Variants in ANKFN1 observed in about 807,000 individuals in gnomAD.
The protein encoded by ANKFN1 is ankyrin repeat and fibronectin type III domain containing 1.
A neutral mutation model predicts 108.7 loss-of-function variants in ANKFN1; 74 were observed. The observed-to-expected ratio is 0.68, with a 90% CI of 0.56 to 0.83. The LOEUF is 0.83. Among genes scored for constraint, ANKFN1 ranks in the 40% least tolerant of loss-of-function variants. The pLI, the probability that ANKFN1 is intolerant of heterozygous loss-of-function variation, is 0.00. For missense variants in ANKFN1, 1,505 were observed against 1,382.3 expected, an observed-to-expected ratio of 1.09 and a Z score of -1.41; for synonymous variants, 547 against 516.2, an observed-to-expected ratio of 1.06 and a Z score of -0.81.
intron 18 of ANKFN1, among the ~76,000 whole-genome samples, chr17:56,484,994 A>C (rs373610274): frequency 1.3e-5 from 2 of 152,224 alleles, no homozygotes; most frequent in African/African-American, 4.8e-5. Flanking sequence ...ACTCTTCTTG[A>C]GTAGCCACCC....
chr17:56,221,675 G>T (rs16956903), intron 2 of ANKFN1, among the ~76,000 whole-genome samples: 19,011 of 152,164 alleles, frequency 0.12, 1,621 homozygotes, highest in African/African-American at 0.23. Flanking sequence ...CTCTCTCCCA[G>T]CATTCTGCAG....
chr17:56,149,107 G>A (rs2143429819), upstream of ANKFN1, among the ~76,000 whole-genome samples: 1 of 152,298 alleles, frequency 6.6e-6, no homozygotes, highest in African/African-American at 2.4e-5. Flanking sequence ...TAACTGGATA[G>A]GCTGTACATG....
At chr17:56,413,725 T>C (rs911913822) in intron 8 of ANKFN1, among the ~76,000 whole-genome samples, 1 of 152,196 alleles carries the variant, frequency 6.6e-6, no homozygotes, top group Non-Finnish European at 1.5e-5. Context: ...AGAATCACTT[T>C]TTTTTTTCTT....
At chr17:56,111,466 G>A (rs547180557) in intron 4 of ANKFN1, among the ~76,000 whole-genome samples, 6 of 149,910 alleles carry the variant, frequency 4.0e-5, no homozygotes, top group African/African-American at 1.5e-4. Context: ...AGCCATGCAT[G>A]CCATACCTAA....
At chr17:56,087,288 G>A (rs1905333562) in intron 4 of ANKFN1, among the ~76,000 whole-genome samples, 2 of 151,346 alleles carry the variant, frequency 1.3e-5, no homozygotes, top group African/African-American at 4.9e-5. Flanking sequence ...CCCCAGAAGG[G>A]CACTGTGGGC....
intron 4 of ANKFN1, among the ~76,000 whole-genome samples, chr17:56,141,296 G>T (rs1363812012): frequency 6.6e-6 from 1 of 152,174 alleles, no homozygotes; most frequent in Non-Finnish European, 1.5e-5. Flanking sequence ...CAGACGTGTG[G>T]TGATTTTCCA....
chr17:56,481,513 C>T, intron 17 of ANKFN1, among the ~76,000 whole-genome samples: 1 of 151,686 alleles, frequency 6.6e-6, no homozygotes, highest in South Asian at 2.1e-4. Flanking sequence ...CACACACACG[C>T]ACACACACAC....
chr17:56,386,420 A>T (rs941587231), intron 8 of ANKFN1, among the ~76,000 whole-genome samples: 1 of 152,070 alleles, frequency 6.6e-6, no homozygotes, highest in African/African-American at 2.4e-5. Context: ...ATGTATACAT[A>T]TGTAACTAAC....
intron 20 of ANKFN1, among the ~76,000 whole-genome samples, chr17:56,508,609 T>C (rs2051646309): frequency 6.6e-6 from 1 of 152,210 alleles, no homozygotes; most frequent in African/African-American, 2.4e-5. Flanking sequence ...GATGAAGACA[T>C]AAATTAATAC....
chr17:56,495,685 G>A (rs926256693), intron 19 of ANKFN1, among the ~76,000 whole-genome samples: 4 of 152,090 alleles, frequency 2.6e-5, no homozygotes, highest in Non-Finnish European at 5.9e-5. Context: ...CTGGAGCTTG[G>A]CATATTTTGA....
At chr17:56,114,314 G>A (rs1906142263) in intron 4 of ANKFN1, among the ~76,000 whole-genome samples, 1 of 152,164 alleles carries the variant, frequency 6.6e-6, no homozygotes, top group Non-Finnish European at 1.5e-5. Context: ...ATGGAACAAA[G>A]TGAAGACCAG....
intron 1 of ANKFN1, among the ~76,000 whole-genome samples, chr17:56,172,354 T>A (rs1318269019): frequency 6.6e-6 from 1 of 152,164 alleles, no homozygotes; most frequent in East Asian, 1.9e-4. Flanking sequence ...GCTTTCTTAT[T>A]CTGCATCCTT....
chr17:56,166,163 A>G (rs1274089224), intron 1 of ANKFN1, among the ~76,000 whole-genome samples: 1 of 152,176 alleles, frequency 6.6e-6, no homozygotes, highest in Non-Finnish European at 1.5e-5. Flanking sequence ...AGTTCCAGTT[A>G]TGCTACAATG....
At chr17:56,284,863 C>T (rs1567885481) in intron 3 of ANKFN1, among the ~76,000 whole-genome samples, 1 of 152,098 alleles carries the variant, frequency 6.6e-6, no homozygotes, top group African/African-American at 2.4e-5. Flanking sequence ...TCATTGAGCA[C>T]AGCCTTAGTG....
intron 4 of ANKFN1, among the ~76,000 whole-genome samples, chr17:56,126,655 A>G (rs1047619331): frequency 5.9e-5 from 9 of 152,346 alleles, no homozygotes; most frequent in African/African-American, 1.9e-4. Context: ...TGCGCTGGCA[A>G]AGAGGAGGCT....
chr17:56,411,076 C>T (rs1214952848), intron 8 of ANKFN1, among the ~76,000 whole-genome samples: 1 of 152,122 alleles, frequency 6.6e-6, no homozygotes, highest in Non-Finnish European at 1.5e-5. Flanking sequence ...GAGATTGCAT[C>T]GAATCTGTAA....
At chr17:56,253,205 AC>A (rs2043277788) in intron 3 of ANKFN1, among the ~76,000 whole-genome samples, 1 of 152,230 alleles carries the variant, frequency 6.6e-6, no homozygotes, top group African/African-American at 2.4e-5. Context: ...TTAATGCTGT[AC>A]TTCCTAGCAG....
At chr17:56,280,201 T>C (rs2044040928) in intron 3 of ANKFN1, among the ~76,000 whole-genome samples, 1 of 151,678 alleles carries the variant, frequency 6.6e-6, no homozygotes, top group African/African-American at 2.4e-5. Flanking sequence ...TGTATAGAAA[T>C]ATATATATAT....
chr17:56,093,109 T>G (rs1335811434), intron 4 of ANKFN1, among the ~76,000 whole-genome samples: 1 of 151,348 alleles, frequency 6.6e-6, no homozygotes, highest in Non-Finnish European at 1.5e-5. Context: ...AGGCATGATA[T>G]CTCATGATGT....
Sources: allele counts gnomAD v4.1 joint callset (sites outside exome capture counted in the v4.1 genomes callset), GRCh38; gene constraint gnomAD v4.1.1; transcripts MANE v1.5; gene names NCBI Gene and HGNC (gene_info 2026-07-23, HGNC 2026-07-21).